Variants in DMD observed in about 807,000 individuals in gnomAD.
DMD encodes the protein mutant dystrophin.
A neutral mutation model predicts 330.1 loss-of-function variants in DMD; 63 were observed. The observed-to-expected ratio is 0.19, with a 90% CI of 0.16 to 0.24. DMD has a LOEUF of 0.24. DMD is among the 10% of genes least tolerant of loss of function. The pLI is 1.00. For missense variants in DMD, 3,344 were observed against 2,684.1 expected (o/e 1.25, Z -5.43); for synonymous variants, 1,223 against 959.8 (o/e 1.27, Z -5.07).
chrX:32,466,471 G>A (rs1007612784), intron 23 of DMD, among the ~76,000 whole-genome samples: 3 of 111,015 alleles, frequency 2.7e-5, no homozygotes, highest in Admixed American at 9.7e-5. Flanking sequence ...CTACCCCCAA[G>A]ATGTCCTCAC....
At chrX:31,834,441 G>GATAT (rs1347159883) in intron 49 of DMD, among the ~76,000 whole-genome samples, 3 of 111,098 alleles carry the variant, frequency 2.7e-5, no homozygotes, top group African/African-American at 9.8e-5. Flanking sequence ...CTATCAACTT[G>GATAT]ATATATATAT....
intron 66 of DMD, among the ~76,000 whole-genome samples, chrX:31,205,973 C>A (rs1057500437): frequency 2.2e-4 from 25 of 112,810 alleles, no homozygotes; most frequent in African/African-American, 6.8e-4. Flanking sequence ...TGAACCATCA[C>A]TCCTCTAGCA....
At chrX:32,723,009 T>G (rs1340031279) in intron 7 of DMD, among the ~76,000 whole-genome samples, 1 of 111,182 alleles carries the variant, frequency 9.0e-6, no homozygotes, top group Non-Finnish European at 1.9e-5. Flanking sequence ...TTAGCAAATC[T>G]TAAGGGGAAA....
chrX:31,295,549 G>A (rs2054122021), intron 62 of DMD, among the ~76,000 whole-genome samples: 1 of 111,212 alleles, frequency 9.0e-6, no homozygotes, highest in South Asian at 3.8e-4. Context: ...AAGTAGCTGG[G>A]ATTACAAGCG....
At position 32,925,145 on chromosome X, in the gene DMD, G is replaced by GTTTTT. The variant is rs777224221; in HGVS notation, c.94-75330_94-75326dup. ...TAAGTAGGTTTTTCAAAAACTCTGG[G>GTTTTT]TTTTTTTTTTTTTTTTTTTTTTTTT... On this transcript the variant is annotated intron_variant, in intron 2 of 78. Transcript: ENST00000357033. 2.9e-4 allele frequency among the ~76,000 whole-genome samples: 14 copies of GTTTTT among 48,503 alleles called. 1 individual carries two copies. Among genetic ancestry groups the GTTTTT allele is most frequent in the Non-Finnish European group, 4.2e-4 (11 of 26,075 alleles). The allele number at this position is 48,503 out of a possible 115,157, so 42.1% of individuals were successfully genotyped here. A position where few individuals can be genotyped will look rare whatever the true frequency, so the allele number is the denominator to read the frequency against.
At chrX:32,554,686 G>A (rs180876718) in intron 16 of DMD, among the ~76,000 whole-genome samples, 51 of 106,328 alleles carry the variant, frequency 4.8e-4, no homozygotes, top group African/African-American at 1.1e-3. Context: ...TTCTACTAGC[G>A]GTACAAAGAA....
intron 44 of DMD, among the ~76,000 whole-genome samples, chrX:32,027,207 A>C (rs1603621413): frequency 1.1e-5 from 1 of 89,982 alleles, no homozygotes; most frequent in African/African-American, 4.3e-5. Context: ...GAGAGAGAGA[A>C]GCGGGGGAAG....
At chrX:32,731,977 A>G (rs760880483) in intron 7 of DMD, among the ~76,000 whole-genome samples, 20 of 111,839 alleles carry the variant, frequency 1.8e-4, no homozygotes, top group African/African-American at 2.6e-4. Context: ...CTACGGGAGG[A>G]CATTCAAACC....
At chrX:31,344,662 A>G (rs982410722) in intron 61 of DMD, among the ~76,000 whole-genome samples, 4 of 110,354 alleles carry the variant, frequency 3.6e-5, no homozygotes, top group African/African-American at 1.3e-4. Context: ...CAGCCTGGCC[A>G]ACATAGTGAA....
chrX:33,183,524 C>T (rs757131608), intron 1 of DMD, among the ~76,000 whole-genome samples: 19 of 111,416 alleles, frequency 1.7e-4, no homozygotes, highest in Non-Finnish European at 3.2e-4. Flanking sequence ...TTGGGGTAGG[C>T]AATCAGCCAA....
intron 78 of DMD, among the ~76,000 whole-genome samples, chrX:31,123,379 A>AT (rs769774824): frequency 8.7e-4 from 98 of 112,422 alleles, no homozygotes; most frequent in African/African-American, 3.1e-3. Flanking sequence ...AAGTATAAAA[A>AT]TTTTTTAACA....
chrX:32,686,049 C>T (rs947180488), intron 9 of DMD, among the ~76,000 whole-genome samples: 1 of 111,384 alleles, frequency 9.0e-6, no homozygotes, highest in Non-Finnish European at 1.9e-5. Context: ...ATTTGAGACC[C>T]ACATGGATTT....
chrX:32,044,742 C>A (rs988308012), intron 44 of DMD, among the ~76,000 whole-genome samples: 2 of 111,893 alleles, frequency 1.8e-5, no homozygotes, highest in Non-Finnish European at 3.8e-5. Context: ...TTATTACTAT[C>A]GTTATTACTA....
At chrX:31,975,403 C>A (rs764043590) in intron 44 of DMD, among the ~76,000 whole-genome samples, 3 of 111,940 alleles carry the variant, frequency 2.7e-5, no homozygotes, top group African/African-American at 6.5e-5. Context: ...TAATCCTTCT[C>A]GCCTTCTAAC....
intron 59 of DMD, among the ~76,000 whole-genome samples, chrX:31,472,536 A>G (rs907927749): frequency 2.7e-5 from 3 of 112,353 alleles, no homozygotes; most frequent in African/African-American, 6.5e-5. Flanking sequence ...ATTTCACATT[A>G]TCTATTCAGA....
At chrX:32,292,130 A>G (rs1013132342) in intron 42 of DMD, among the ~76,000 whole-genome samples, 1 of 109,367 alleles carries the variant, frequency 9.1e-6, no homozygotes, top group Non-Finnish European at 1.9e-5. Flanking sequence ...TATAATCTCC[A>G]AGATCCACAA....
chrX:32,485,638 C>T (rs763241322), intron 20 of DMD, among the ~76,000 whole-genome samples: 1 of 105,312 alleles, frequency 9.5e-6, no homozygotes, highest in African/African-American at 3.4e-5. Context: ...AATACTTATA[C>T]ATATGTATGT....
At chrX:31,600,947 C>T (rs1041251547) in intron 55 of DMD, among the ~76,000 whole-genome samples, 1 of 110,140 alleles carries the variant, frequency 9.1e-6, no homozygotes, top group African/African-American at 3.3e-5. Flanking sequence ...CCTGCCCAAT[C>T]CTGAGTATGT....
At chrX:31,321,794 T>C (rs1187209015) in intron 62 of DMD, among the ~76,000 whole-genome samples, 1 of 110,246 alleles carries the variant, frequency 9.1e-6, no homozygotes, top group Admixed American at 9.7e-5. Flanking sequence ...ACAAATAGGA[T>C]ATGTAGCTGC....
Sources: gnomAD v4.1 joint callset for allele counts (sites outside exome capture counted in the v4.1 genomes callset) on GRCh38, gnomAD v4.1.1 for gene constraint, MANE v1.5 for transcripts, NCBI Gene and HGNC (gene_info 2026-07-23, HGNC 2026-07-21) for gene names.